AP3B2: variants seen among roughly 807,000 people sequenced by gnomAD.
AP3B2 encodes adaptor related protein complex 3 subunit beta 2.
Under a neutral mutation model 126.9 loss-of-function variants are expected in AP3B2, and 50 were observed. That is an observed-to-expected ratio of 0.39 (90% confidence interval 0.31 to 0.50). The LOEUF (loss-of-function observed/expected upper bound fraction) is 0.50. Among genes scored for constraint, AP3B2 ranks in the 20% least tolerant of loss-of-function variants. The pLI, the probability that AP3B2 is intolerant of heterozygous loss-of-function variation, is 0.79. For synonymous variants in AP3B2, 541 were observed against 565.0 expected (o/e 0.96, Z 0.60); for missense variants, 1,177 against 1,426.4 (o/e 0.83, Z 2.82).
intron 15 of AP3B2, 56 bp downstream of exon 15, chr15:82,666,689 ACT>A (rs2048065161): frequency 4.5e-6 from 7 of 1,564,676 alleles, no homozygotes; most frequent in Non-Finnish European, 6.1e-6. Flanking sequence ...TGGGGCAGAG[ACT>A]CTGGCCAGTT....
chr15:82,665,433 A>ACT lies in AP3B2; in HGVS notation c.1971+22_1971+23dup, dbSNP rs748135353. On this transcript the variant is annotated intron_variant, in intron 16 of 26. Transcript: ENST00000535359. The surrounding 1 kb of genome is among the most constrained non-coding windows in gnomAD (Gnocchi z 4.4). ...CACACACACACACACACACACACAC[A>ACT]CTTCAACCCTCCACCCCGCTGACCT... 3.3e-5 allele frequency: 48 copies of ACT among 1,435,856 alleles called. No individual in the cohort carries two copies. In the African/African-American group the frequency reaches 6.7e-4, roughly 20 times the overall value. The allele number at this position is 1,435,856 out of a possible 1,614,324, so 88.9% of individuals were successfully genotyped here.
chr15:82,662,643 C>G lies in AP3B2; in HGVS notation c.2833+51G>C, dbSNP rs1283128808. The G allele has an allele frequency of 1.6e-5, 25 of 1,521,470 alleles. No homozygotes were observed. The Admixed American group carries it at 3.7e-4, about 23-fold the overall frequency. The allele number at this position is 1,521,470 out of a possible 1,614,324, so 94.2% of individuals were successfully genotyped here. ...GAGGGTATCAGCAACCACAGAAAGA[C>G]TGACTCTGCCCAGGAGCCTCCTCCT... On this transcript the variant is annotated intron_variant, in intron 23 of 26. Transcript: ENST00000535359.
Position 82,659,986 on chromosome 15 carries a change from G to A in AP3B2, c.3017-3C>T. On this transcript the variant is annotated splice_polypyrimidine_tract_variant and splice_region_variant and intron_variant, in intron 25 of 26. Transcript: ENST00000535359. ...CTCATTCATGCCCATCAGCTTTCCT[G>A]GGGGTAGAGGTCGTGATGAGGGCAG... 1 of 1,613,684 alleles carries A rather than the reference G, an allele frequency of 6.2e-7. No individual in the cohort carries two copies. The highest frequency in any genetic ancestry group is 8.5e-7 in the Non-Finnish European group (1 of 1,179,774).
intron 4 of AP3B2, chr15:82,688,167 A>G (rs2048463155): frequency 2.1e-6 from 1 of 465,700 alleles, no homozygotes; most frequent in South Asian, 4.0e-5. Flanking sequence ...ATCAGAGCTG[A>G]AAAATCCAAT....
chr15:82,706,517 C>G (rs1003024991), intron 1 of AP3B2, among the ~76,000 whole-genome samples: 1 of 152,160 alleles, frequency 6.6e-6, no homozygotes, highest in African/African-American at 2.4e-5. Context: ...CAGATCCCAT[C>G]GCTCAGGGCA....
At chr15:82,703,809 C>T (rs765299139) in intron 1 of AP3B2, among the ~76,000 whole-genome samples, 14 of 152,116 alleles carry the variant, frequency 9.2e-5, no homozygotes, top group East Asian at 1.9e-4. Context: ...CAACCCCAAG[C>T]GTCGCTGCGT....
chr15:82,675,769 T>C (rs2048232217), intron 14 of AP3B2, among the ~76,000 whole-genome samples: 1 of 152,194 alleles, frequency 6.6e-6, no homozygotes. Context: ...GGGCAGTAGT[T>C]TGCCAATCCC....
chr15:82,666,907 C>A lies in AP3B2; in HGVS notation c.1692G>T (p.Leu564=). 6.2e-7 allele frequency: 1 copy of A among 1,613,564 alleles called. No individual in the cohort carries two copies. Among genetic ancestry groups the A allele is most frequent in the South Asian group, 1.1e-5 (1 of 91,012 alleles). Residue 564 remains leucine (L), a synonymous_variant, in exon 15 of 27, where the codon CTG becomes CTT. Coordinates refer to ENST00000535359, the MANE Select transcript of AP3B2 (RefSeq NM_001278512.2). Reference sequence around the variant, plus strand: ...AGTTCTGGTCATATTTGGCCAGACTCAGCACATACTGGGTCAGCAGCTTGG... The same window carrying A: ...AGTTCTGGTCATATTTGGCCAGACTAAGCACATACTGGGTCAGCAGCTTGG... ...KQTKLLTQYV[L]SLAKYDQNYD...
rs1249891561 is a variant in AP3B2 at position 82,662,179 on chromosome 15, G to T, written c.2907C>A (p.Asn969Lys). Residue 969 changes from asparagine to lysine, a missense_variant, in exon 24 of 27, where the codon AAC (asparagine) becomes AAA (lysine). This residue lies in a region of AP3B2 where 587 missense variants were observed against 571.3 expected (regional missense o/e 1.03). Transcript: ENST00000535359. Reference protein sequence around the residue: ...INFCDSTQAANFQLCTQTRQF... With the variant: ...INFCDSTQAAKFQLCTQTRQF... ...AGTTGGGCACATACCACAGCTGGAA[G>T]TTGGCTGCCTGGGTTGAGTCACAGA... 1 of 1,601,094 alleles carries T rather than the reference G, an allele frequency of 6.2e-7. No homozygotes were observed. The highest frequency in any genetic ancestry group is 8.5e-7 in the Non-Finnish European group (1 of 1,173,580).
intron 1 of AP3B2, among the ~76,000 whole-genome samples, chr15:82,705,602 C>T (rs1172316325): frequency 6.6e-6 from 1 of 152,162 alleles, no homozygotes; most frequent in African/African-American, 2.4e-5. Flanking sequence ...AGCAAACTAC[C>T]TAGGCTGTAC....
chr15:82,694,701 CAA>C (rs2048605575), intron 1 of AP3B2, among the ~76,000 whole-genome samples: 1 of 149,056 alleles, frequency 6.7e-6, no homozygotes, highest in South Asian at 2.1e-4. Flanking sequence ...AAAAAAAAAA[CAA>C]GAAGTACTAC....
At chr15:82,698,413 A>G (rs1297335791) in intron 1 of AP3B2, among the ~76,000 whole-genome samples, 1 of 151,076 alleles carries the variant, frequency 6.6e-6, no homozygotes, top group Non-Finnish European at 1.5e-5. Flanking sequence ...CATGTCCCCT[A>G]CAGACATATA....
Position 82,659,507 on chromosome 15 carries a change from A to G in AP3B2, c.*53T>C. The stretch of plus-strand genomic sequence containing the variant: ...GAAAGATGAGAGAGACTGACAGCCT[A>G]GGTGTCATGGGGAGGTATAGATGGG... On this transcript the variant is annotated 3_prime_UTR_variant, in exon 27 of 27. Transcript: ENST00000535359. 5 of 1,595,446 alleles carry G rather than the reference A, an allele frequency of 3.1e-6. No homozygotes were observed. In the Admixed American group the frequency reaches 8.4e-5, roughly 27 times the overall value.
chr15:82,691,591 T>C (rs1258143812), intron 1 of AP3B2: 1 of 680,494 alleles, frequency 1.5e-6, no homozygotes, highest in Non-Finnish European at 2.1e-6. Flanking sequence ...TATGTAGTTT[T>C]TTTTTCTTCT....
Position 82,665,626 on chromosome 15 carries a change from T to G in AP3B2, c.1853-51A>C. 16 of 1,456,744 alleles carry G rather than the reference T, an allele frequency of 1.1e-5. No individual in the cohort carries two copies. The highest frequency in any genetic ancestry group is 1.7e-5 in the Admixed American group (1 of 57,838). The allele number at this position is 1,456,744 out of a possible 1,614,324, so 90.2% of individuals were successfully genotyped here. A position where few individuals can be genotyped will look rare whatever the true frequency, so the allele number is the denominator to read the frequency against. On this transcript the variant is annotated intron_variant, in intron 15 of 26. Coordinates refer to ENST00000535359, the MANE Select transcript of AP3B2 (RefSeq NM_001278512.2). The surrounding 1 kb of genome is among the most constrained non-coding windows in gnomAD (Gnocchi z 4.4). ...AGGTAGCAGCAGTGAGGGAAAGCTC[T>G]GGGAGCTGTTTTCCAGGTGGGGCTG... is the stretch of plus-strand genomic sequence containing the variant.
rs772092763 is a variant in AP3B2 at position 82,662,756 on chromosome 15, C to A, written c.2771G>T (p.Gly924Val). ...CAGTTTGGGAGTGCCCACATGCAGG[C>A]CCTTGATGGGGGTATCAGAGCTGTT... ...FSNSSDTPIKGLHVGTPKLPA... is the reference protein window; with the variant it reads ...FSNSSDTPIKVLHVGTPKLPA... Residue 924 changes from glycine (G) to valine (V), a missense_variant, in exon 23 of 27, where the codon GGC (glycine) becomes GTC (valine). Gly to Val is a moderately radical substitution (Grantham distance 109). Coordinates refer to ENST00000535359, the MANE Select transcript of AP3B2 (RefSeq NM_001278512.2). 8.7e-6 allele frequency: 14 copies of A among 1,613,882 alleles called. No homozygotes were observed. Among genetic ancestry groups the A allele is most frequent in the South Asian group, 1.1e-5 (1 of 91,030 alleles).
chr15:82,666,842 A>G lies in AP3B2; in HGVS notation c.1757T>C (p.Ile586Thr). 14 of 1,614,020 alleles carry G rather than the reference A, an allele frequency of 8.7e-6. No individual in the cohort carries two copies. The highest frequency in any genetic ancestry group is 1.1e-5 in the Non-Finnish European group (13 of 1,179,894). ...RDRARFTRQL[I>T]VPSEQGGALS... ...GGCCCCACCCTGCTCGGAAGGGACG[A>G]TGAGCTGCCGGGTGAAGCGCGCCCG... Residue 586 changes from isoleucine to threonine, a missense_variant, in exon 15 of 27, where the codon ATC (isoleucine) becomes ACC (threonine). Ile to Thr is a moderately conservative substitution (Grantham distance 89, BLOSUM62 -1). Coordinates refer to ENST00000535359, the MANE Select transcript of AP3B2 (RefSeq NM_001278512.2).
At chr15:82,703,727 T>A (rs2048755724) in intron 1 of AP3B2, among the ~76,000 whole-genome samples, 1 of 152,142 alleles carries the variant, frequency 6.6e-6, no homozygotes, top group African/African-American at 2.4e-5. Context: ...CATCGGTCCC[T>A]CCCTAGTCTC....
At position 82,681,211 on chromosome 15, in the gene AP3B2, C is replaced by T. The variant is rs1305997626; in HGVS notation, c.522-33G>A. 3 of 1,594,102 alleles carry T rather than the reference C, an allele frequency of 1.9e-6. No individual in the cohort carries two copies. Among genetic ancestry groups the T allele is most frequent in the Non-Finnish European group, 2.6e-6 (3 of 1,170,222 alleles). The stretch of plus-strand genomic sequence containing the variant: ...AGAAATCGGTGAGGGGAATTTGCCA[C>T]TCTCAGCCCCAGCCTTCCCAATATC... On this transcript the variant is annotated intron_variant, in intron 5 of 26. Coordinates refer to ENST00000535359, the MANE Select transcript of AP3B2 (RefSeq NM_001278512.2). The surrounding 1 kb of genome is among the most constrained non-coding windows in gnomAD (Gnocchi z 4.0).
Sources: allele counts gnomAD v4.1 joint callset (sites outside exome capture counted in the v4.1 genomes callset), GRCh38; gene constraint gnomAD v4.1.1; regional missense constraint gnomAD v4.1.1; non-coding constraint Gnocchi (gnomAD v3.1); transcripts MANE v1.5; gene names NCBI Gene and HGNC (gene_info 2026-07-23, HGNC 2026-07-21).